The following RBFOX1 variants were observed in gnomAD, a reference collection of about 807,000 sequenced individuals.
RBFOX1 encodes RNA binding protein fox-1 homolog 1.
Under a neutral mutation model 57.7 loss-of-function variants are expected in RBFOX1, and 8 were observed. The ratio of observed to expected loss-of-function variants is 0.14; its 90% CI spans 0.08 to 0.25. RBFOX1 has a LOEUF of 0.25. Among genes scored for constraint, RBFOX1 ranks in the 10% least tolerant of loss-of-function variants. The pLI, the probability that RBFOX1 is intolerant of heterozygous loss-of-function variation, is 1.00. For missense variants in RBFOX1, 611 were observed against 548.5 expected (o/e 1.11, Z -1.14); for synonymous variants, 326 against 222.4 (o/e 1.47, Z -4.15).
At chr16:5,747,842 T>C (rs1232293847) in intron 3 of RBFOX1, among the ~76,000 whole-genome samples, 1 of 152,184 alleles carries the variant, frequency 6.6e-6, no homozygotes, top group Non-Finnish European at 1.5e-5. Flanking sequence ...GATTCCTTGA[T>C]TTTTTGAAGG....
intron 3 of RBFOX1, among the ~76,000 whole-genome samples, chr16:6,673,708 G>A (rs929993495): frequency 6.6e-6 from 1 of 152,226 alleles, no homozygotes; most frequent in African/African-American, 2.4e-5. Context: ...CCATGTGCCT[G>A]GCAGAGAGAA....
chr16:5,762,956 T>C (rs2053640718), intron 3 of RBFOX1, among the ~76,000 whole-genome samples: 1 of 152,218 alleles, frequency 6.6e-6, no homozygotes, highest in Non-Finnish European at 1.5e-5. Flanking sequence ...TGCTGAATAG[T>C]GACACTGTGA....
intron 2 of RBFOX1, among the ~76,000 whole-genome samples, chr16:5,470,764 G>A (rs1438015003): frequency 6.6e-6 from 1 of 152,116 alleles, no homozygotes; most frequent in East Asian, 1.9e-4. Context: ...GTCCGCCTCT[G>A]CAGCCTGGAA....
chr16:6,934,115 C>T (rs1027824818), intron 3 of RBFOX1, among the ~76,000 whole-genome samples: 3 of 152,126 alleles, frequency 2.0e-5, no homozygotes, highest in African/African-American at 7.2e-5. Flanking sequence ...TGCTCCTCTG[C>T]CACCCATAGT....
intron 2 of RBFOX1, among the ~76,000 whole-genome samples, chr16:5,506,190 G>A (rs1369335676): frequency 6.6e-6 from 1 of 152,162 alleles, no homozygotes; most frequent in Non-Finnish European, 1.5e-5. Context: ...GGAACTTTCT[G>A]AAGGCAGGGT....
intron 4 of RBFOX1, among the ~76,000 whole-genome samples, chr16:7,168,230 C>G (rs908702832): frequency 6.6e-6 from 1 of 152,158 alleles, no homozygotes; most frequent in African/African-American, 2.4e-5. Flanking sequence ...GTTCCCCTAG[C>G]AAGCTTTGGT....
intron 1 of RBFOX1, among the ~76,000 whole-genome samples, chr16:5,434,609 A>G (rs114326401): frequency 1.3e-5 from 2 of 152,082 alleles, no homozygotes; most frequent in South Asian, 2.1e-4. Context: ...AAGAGCCACC[A>G]TGCCCAGCCT....
intron 3 of RBFOX1, among the ~76,000 whole-genome samples, chr16:6,899,612 C>G (rs996361285): frequency 3.3e-5 from 5 of 152,120 alleles, no homozygotes; most frequent in African/African-American, 4.8e-5. Context: ...TGCTGTCAGC[C>G]TTAGTTTTCT....
intron 1 of RBFOX1, among the ~76,000 whole-genome samples, chr16:6,220,415 T>A (rs1479656518): frequency 6.6e-6 from 1 of 152,216 alleles, no homozygotes; most frequent in Non-Finnish European, 1.5e-5. Flanking sequence ...ACTGGAGGGA[T>A]TGAAACAAGA....
chr16:6,423,136 T>A lies in RBFOX1; in HGVS notation c.-64+106079T>A, dbSNP rs537340453. 1.5e-3 allele frequency among the ~76,000 whole-genome samples: 236 copies of A among 152,318 alleles called. 2 individuals carry two copies. Among genetic ancestry groups the A allele is most frequent in the African/African-American group, 5.6e-3 (231 of 41,568 alleles). ...ACTCTCCTTTCATCATTGTTTTTCC[T>A]CCCAGGTTGCTGCTGTTCACTTCTC... is the stretch of plus-strand genomic sequence containing the variant. On this transcript the variant is annotated intron_variant, in intron 2 of 15. Coordinates refer to ENST00000550418, the MANE Select transcript of RBFOX1 (RefSeq NM_018723.4).
intron 4 of RBFOX1, among the ~76,000 whole-genome samples, chr16:7,447,922 C>A (rs554415840): frequency 6.6e-6 from 1 of 152,194 alleles, no homozygotes; most frequent in African/African-American, 2.4e-5. Flanking sequence ...CAGGCATCTG[C>A]GTTAAATATG....
intron 3 of RBFOX1, among the ~76,000 whole-genome samples, chr16:6,992,467 G>C (rs1204282425): frequency 6.6e-6 from 1 of 152,026 alleles, no homozygotes; most frequent in East Asian, 1.9e-4. Context: ...ATCTGCCTTG[G>C]CCTCCCAAAG....
intron 4 of RBFOX1, among the ~76,000 whole-genome samples, chr16:7,267,711 C>A (rs1454677099): frequency 6.6e-6 from 1 of 152,106 alleles, no homozygotes; most frequent in East Asian, 1.9e-4. Flanking sequence ...AAAAAATTAA[C>A]TGGTTGTGAT....
At chr16:7,624,793 A>ACT (rs1339131818) in intron 10 of RBFOX1, among the ~76,000 whole-genome samples, 1 of 151,994 alleles carries the variant, frequency 6.6e-6, no homozygotes, top group Non-Finnish European at 1.5e-5. Flanking sequence ...TTTTTGTGTG[A>ACT]CTCTGCACCA....
chr16:7,452,074 T>G lies in RBFOX1; in HGVS notation c.28-66073T>G, dbSNP rs140016090. ...AAATGGCTACAAAGCAATTGGATAC[T>G]AAGGAATGAGAAGCAATGTAGTTAG... On this transcript the variant is annotated intron_variant, in intron 4 of 15. Transcript: ENST00000550418. 3.3e-5 allele frequency among the ~76,000 whole-genome samples: 5 copies of G among 152,274 alleles called. No individual in the cohort carries two copies. The East Asian group carries it at 9.7e-4, about 29-fold the overall frequency.
At chr16:5,965,922 C>A (rs2059834162) in intron 4 of RBFOX1, among the ~76,000 whole-genome samples, 1 of 152,038 alleles carries the variant, frequency 6.6e-6, no homozygotes, top group Non-Finnish European at 1.5e-5. Flanking sequence ...CCTGAGATAC[C>A]CTCCCCAGAA....
At chr16:6,883,925 A>C (rs1311734886) in intron 3 of RBFOX1, among the ~76,000 whole-genome samples, 1 of 152,136 alleles carries the variant, frequency 6.6e-6, no homozygotes, top group East Asian at 1.9e-4. Context: ...TCTTTACCCC[A>C]GGTACAAATG....
chr16:6,915,632 C>T (rs188249072), intron 3 of RBFOX1, among the ~76,000 whole-genome samples: 3 of 149,348 alleles, frequency 2.0e-5, no homozygotes, highest in African/African-American at 7.4e-5. Flanking sequence ...GTCACTGCAA[C>T]CTCTGCCTCT....
intron 4 of RBFOX1, among the ~76,000 whole-genome samples, chr16:7,075,738 G>T (rs578071871): frequency 8.6e-5 from 13 of 152,042 alleles, no homozygotes; most frequent in Non-Finnish European, 1.6e-4. Context: ...CTGCCACCAC[G>T]CTCGGCTAAT....
Sources: gnomAD v4.1 joint callset for allele counts (sites outside exome capture counted in the v4.1 genomes callset) on GRCh38, gnomAD v4.1.1 for gene constraint, MANE v1.5 for transcripts, NCBI Gene and HGNC (gene_info 2026-07-23, HGNC 2026-07-21) for gene names.